Variants in SRGAP3 observed in about 807,000 individuals in gnomAD.
SRGAP3 encodes SLIT-ROBO Rho GTPase activating protein 3.
SRGAP3 carries 39 observed loss-of-function variants against 121.1 expected under a neutral mutation model. The observed-to-expected ratio is 0.32, with a 90% CI of 0.25 to 0.42. The LOEUF (loss-of-function observed/expected upper bound fraction) is 0.42. Ranked by LOEUF, SRGAP3 falls within the 10% of genes least tolerant of loss-of-function variation. The pLI is 1.00. For synonymous variants in SRGAP3, 601 were observed against 570.0 expected, an observed-to-expected ratio of 1.05 and a Z score of -0.77; for missense variants, 1,213 against 1,470.6, an observed-to-expected ratio of 0.82 and a Z score of 2.86.
intron 1 of SRGAP3, among the ~76,000 whole-genome samples, chr3:9,146,796 G>A (rs954828739): frequency 1.3e-5 from 2 of 152,202 alleles, no homozygotes; most frequent in African/African-American, 2.4e-5. Context: ...CCTGCAGGGC[G>A]CGAGGACGAT....
chr3:9,013,609 G>T (rs35295033), intron 16 of SRGAP3, 74 bp from the exon 17 acceptor site: 349,718 of 1,565,542 alleles, frequency 0.22, 42,493 homozygotes, highest in Non-Finnish European at 0.25. Context: ...TCTTTTGGGG[G>T]ACCCTATTCA....
chr3:9,157,032 A>G (rs981976383), intron 1 of SRGAP3, among the ~76,000 whole-genome samples: 26 of 152,112 alleles, frequency 1.7e-4, no homozygotes, highest in African/African-American at 5.8e-4. Flanking sequence ...AGATGTTTCT[A>G]TTTGTAGTGG....
At chr3:9,205,660 A>C (rs779364537) in intron 1 of SRGAP3, among the ~76,000 whole-genome samples, 1 of 152,236 alleles carries the variant, frequency 6.6e-6, no homozygotes, top group Non-Finnish European at 1.5e-5. Context: ...ACTATGGCAA[A>C]AGTAAGTCCA....
intron 3 of SRGAP3, among the ~76,000 whole-genome samples, chr3:9,302,528 G>A (rs943478270): frequency 2.0e-5 from 3 of 152,188 alleles, no homozygotes; most frequent in African/African-American, 7.2e-5. Flanking sequence ...AGGCAAATGG[G>A]ATTCGTCACT....
chr3:9,261,876 T>TAAAA (rs34047232), intron 3 of SRGAP3, among the ~76,000 whole-genome samples: 1 of 120,858 alleles, frequency 8.3e-6, no homozygotes, highest in Non-Finnish European at 1.7e-5. Context: ...CTCATATATT[T>TAAAA]AAAAAAAAAA....
intron 3 of SRGAP3, chr3:9,081,277 G>A (rs1329998137): frequency 2.2e-6 from 1 of 456,604 alleles, no homozygotes; most frequent in East Asian, 6.9e-5. Flanking sequence ...TCCTGACACA[G>A]TCGCAAGTCC....
intron 1 of SRGAP3, among the ~76,000 whole-genome samples, chr3:9,190,927 C>A (rs566847750): frequency 2.6e-5 from 4 of 152,202 alleles, no homozygotes; most frequent in Non-Finnish European, 5.9e-5. Flanking sequence ...CCTTGGCCTG[C>A]AAAGTTCTTC....
intron 3 of SRGAP3, among the ~76,000 whole-genome samples, chr3:9,315,823 A>G (rs1171985373): frequency 6.6e-6 from 1 of 152,192 alleles, no homozygotes; most frequent in Non-Finnish European, 1.5e-5. Context: ...AAAAGAATGC[A>G]ATGCTATTAA....
At chr3:9,182,636 A>C (rs1951452191) in intron 1 of SRGAP3, among the ~76,000 whole-genome samples, 1 of 152,062 alleles carries the variant, frequency 6.6e-6, no homozygotes, top group Non-Finnish European at 1.5e-5. Flanking sequence ...TTTATTTTAA[A>C]ATTTTTTTAA....
chr3:9,161,183 T>C (rs973389199), intron 1 of SRGAP3, among the ~76,000 whole-genome samples: 2 of 152,218 alleles, frequency 1.3e-5, no homozygotes, highest in African/African-American at 4.8e-5. Flanking sequence ...GAGAACAAAA[T>C]ACTTGTTAAT....
intron 1 of SRGAP3, among the ~76,000 whole-genome samples, chr3:9,135,738 T>C (rs1217568213): frequency 6.6e-6 from 1 of 152,192 alleles, no homozygotes; most frequent in African/African-American, 2.4e-5. Context: ...CCTCGGCGAA[T>C]AGCATCTATA....
chr3:9,060,483 G>C (rs1367596895), intron 5 of SRGAP3, 124 bp from the exon 6 acceptor site: 23 of 1,305,366 alleles, frequency 1.8e-5, no homozygotes, highest in East Asian at 1.7e-4. Flanking sequence ...TGAGAGTGCA[G>C]TGGTGTGATC....
At position 9,195,771 on chromosome 3, in the gene SRGAP3, C is replaced by T. The variant is rs188707801; in HGVS notation, c.67+53114G>A. Among the ~76,000 whole-genome samples the T allele has an allele frequency of 3.3e-5, 5 of 152,078 alleles. No homozygotes were observed. The East Asian group carries it at 9.7e-4, about 29-fold the overall frequency. Reference sequence around the variant, plus strand: ...AGGAGTTCAAGACCAGCCCAAGCAACACAGCAAGACGCCATCTCTACAAAA... The same window carrying T: ...AGGAGTTCAAGACCAGCCCAAGCAATACAGCAAGACGCCATCTCTACAAAA... On this transcript the variant is annotated intron_variant, in intron 1 of 21. Transcript: ENST00000383836.
chr3:9,097,874 C>T (rs1045022851), intron 3 of SRGAP3, among the ~76,000 whole-genome samples: 25 of 152,224 alleles, frequency 1.6e-4, no homozygotes, highest in African/African-American at 5.8e-4. Context: ...CATCCCAGCT[C>T]CCCAGCATCC....
intron 3 of SRGAP3, among the ~76,000 whole-genome samples, chr3:9,301,344 G>T: frequency 6.6e-6 from 1 of 152,220 alleles, no homozygotes; most frequent in East Asian, 1.9e-4. Context: ...TGAGATGCAG[G>T]TCCCCCGCCT....
intron 1 of SRGAP3, among the ~76,000 whole-genome samples, chr3:9,332,678 A>T (rs929730330): frequency 6.6e-6 from 1 of 152,192 alleles, no homozygotes; most frequent in African/African-American, 2.4e-5. Flanking sequence ...AAACCAATTA[A>T]TTTTTTTCCT....
intron 1 of SRGAP3, among the ~76,000 whole-genome samples, chr3:9,134,131 G>A (rs1418100005): frequency 6.6e-6 from 1 of 152,162 alleles, no homozygotes; most frequent in African/African-American, 2.4e-5. Flanking sequence ...TGCACCCTTG[G>A]AGGCCTCTGC....
intron 1 of SRGAP3, among the ~76,000 whole-genome samples, chr3:9,190,163 A>T (rs1472399072): frequency 6.6e-6 from 1 of 152,200 alleles, no homozygotes; most frequent in Admixed American, 6.5e-5. Context: ...ATCCTCACAC[A>T]ATCGGTGGAA....
chr3:9,246,428 T>C (rs2125244559), intron 1 of SRGAP3, among the ~76,000 whole-genome samples: 1 of 152,320 alleles, frequency 6.6e-6, no homozygotes, highest in East Asian at 1.9e-4. Context: ...ATCAAGAGGC[T>C]GCCAGTCCCC....
Sources: gnomAD v4.1 joint callset for allele counts (sites outside exome capture counted in the v4.1 genomes callset) on GRCh38, gnomAD v4.1.1 for gene constraint, MANE v1.5 for transcripts, NCBI Gene and HGNC (gene_info 2026-07-23, HGNC 2026-07-21) for gene names.